VAX2: variants seen among roughly 807,000 people sequenced by gnomAD.
VAX2 encodes the protein ventral anterior homeobox 2.
In VAX2, 8 loss-of-function variants were observed where a neutral mutation model predicts 12.5. The ratio of observed to expected loss-of-function variants is 0.64; its 90% CI spans 0.37 to 1.15. The LOEUF is 1.15. Among genes scored for constraint, VAX2 ranks in the 50% most tolerant of loss-of-function variants. The pLI, the probability that VAX2 is intolerant of heterozygous loss-of-function variation, is 0.01. For missense variants in VAX2, 476 were observed against 412.9 expected, an observed-to-expected ratio of 1.15 and a Z score of -1.32; for synonymous variants, 183 against 187.6, an observed-to-expected ratio of 0.98 and a Z score of 0.20.
At chr2:70,924,671 T>A (rs1190873993) in intron 2 of VAX2, among the ~76,000 whole-genome samples, 6 of 152,194 alleles carry the variant, frequency 3.9e-5, no homozygotes, top group African/African-American at 1.2e-4. Context: ...AGAGGTTAAC[T>A]AACTTGTAGC....
chr2:70,908,487 T>G (rs1334775758), intron 1 of VAX2, among the ~76,000 whole-genome samples: 1 of 152,222 alleles, frequency 6.6e-6, no homozygotes, highest in African/African-American at 2.4e-5. Flanking sequence ...TTTTGTTTGT[T>G]TTTTTTATAG....
chr2:70,920,582 A>G (rs557745344), intron 1 of VAX2, among the ~76,000 whole-genome samples: 1 of 152,034 alleles, frequency 6.6e-6, no homozygotes, highest in South Asian at 2.1e-4. Context: ...CCTCCTCCTC[A>G]TGGACCCCAG....
At chr2:70,913,440 G>A (rs1477175816) in intron 1 of VAX2, among the ~76,000 whole-genome samples, 1 of 152,162 alleles carries the variant, frequency 6.6e-6, no homozygotes, top group Non-Finnish European at 1.5e-5. Flanking sequence ...CCAGCACTTT[G>A]GGAGGCTGAG....
In VAX2 at chr2:70,913,550, C is replaced by T. The variant is rs1553411501; in HGVS notation, c.248-7548C>T. On this transcript the variant is annotated intron_variant, in intron 1 of 2. Transcript: ENST00000234392. ...AAATTAGCGGGCATGGTGGTGGGTGCCTGTAATCTCAACTACTCAGGAGGC... is the reference window on the plus strand; with the variant it reads ...AAATTAGCGGGCATGGTGGTGGGTGTCTGTAATCTCAACTACTCAGGAGGC... 1.6e-4 allele frequency among the ~76,000 whole-genome samples: 25 copies of T among 152,088 alleles called. 1 individual carries two copies. The highest frequency in any genetic ancestry group is 5.9e-5 in the Non-Finnish European group (4 of 67,978).
At chr2:70,932,110 C>T (rs1321456402) in intron 2 of VAX2, among the ~76,000 whole-genome samples, 1 of 152,140 alleles carries the variant, frequency 6.6e-6, no homozygotes, top group Non-Finnish European at 1.5e-5. Context: ...GCTGTAGAGA[C>T]AATGCCACGG....
chr2:70,902,228 C>T (rs1678951049), intron 1 of VAX2, among the ~76,000 whole-genome samples: 1 of 152,190 alleles, frequency 6.6e-6, no homozygotes, highest in Non-Finnish European at 1.5e-5. Flanking sequence ...GTGAGGGTGA[C>T]TGATGACTGC....
At chr2:70,917,924 A>G (rs1553412250) in intron 1 of VAX2, among the ~76,000 whole-genome samples, 1 of 152,234 alleles carries the variant, frequency 6.6e-6, no homozygotes, top group Admixed American at 6.5e-5. Flanking sequence ...TGATAAAATC[A>G]GTGCCTTTGA....
chr2:70,928,519 A>G (rs527976716), intron 2 of VAX2, among the ~76,000 whole-genome samples: 1 of 152,204 alleles, frequency 6.6e-6, no homozygotes, highest in South Asian at 2.1e-4. Context: ...CCTAGGGTCC[A>G]GGCTCACCTT....
At chr2:70,921,594 G>GC (rs34766033) in intron 2 of VAX2, among the ~76,000 whole-genome samples, 3 of 152,126 alleles carry the variant, frequency 2.0e-5, no homozygotes, top group Non-Finnish European at 4.4e-5. Flanking sequence ...GCTTGGGGGG[G>GC]TGTTGGCATG....
At chr2:70,924,707 G>A (rs1289783785) in intron 2 of VAX2, among the ~76,000 whole-genome samples, 1 of 152,122 alleles carries the variant, frequency 6.6e-6, no homozygotes, top group East Asian at 1.9e-4. Context: ...TTCTCAGTAT[G>A]TTCACCCATA....
intron 1 of VAX2, among the ~76,000 whole-genome samples, chr2:70,913,045 A>G (rs1369017276): frequency 6.6e-6 from 1 of 152,244 alleles, no homozygotes; most frequent in Admixed American, 6.5e-5. Context: ...GAGCAACTCA[A>G]AAAAAGAGGA....
In VAX2 at chr2:70,921,276, C is replaced by G; in HGVS notation, c.426C>G (p.Ser142=). 6.2e-7 allele frequency: 1 copy of G among 1,608,782 alleles called. No individual in the cohort carries two copies. The highest frequency in any genetic ancestry group is 1.7e-5 in the Admixed American group (1 of 58,876). Residue 142 remains serine, a synonymous_variant, in exon 2 of 3, where the codon TCC becomes TCG. Transcript: ENST00000234392. ...RTELARQLNL[S]ETQVKVWFQN... is the part of the protein sequence containing the mutation. The stretch of plus-strand genomic sequence containing the variant: ...AGCTGGCCCGCCAGCTGAACCTCTC[C>G]GAGACCCAGGTAAGAGACCAGGGCC...
intron 2 of VAX2, among the ~76,000 whole-genome samples, chr2:70,929,027 G>T (rs1401507343): frequency 6.6e-6 from 1 of 152,200 alleles, no homozygotes; most frequent in Non-Finnish European, 1.5e-5. Flanking sequence ...AAGCTTCCCA[G>T]CAGGGAGGGG....
At chr2:70,927,354 C>A (rs1447341058) in intron 2 of VAX2, among the ~76,000 whole-genome samples, 1 of 151,744 alleles carries the variant, frequency 6.6e-6, no homozygotes, top group Non-Finnish European at 1.5e-5. Flanking sequence ...TGCCAAGTCC[C>A]AATATCCCCC....
intron 2 of VAX2, 70 bp downstream of exon 2, chr2:70,921,355 C>A: frequency 2.0e-6 from 3 of 1,466,564 alleles, no homozygotes; most frequent in East Asian, 2.5e-5. Context: ...ATATGAGGCC[C>A]TGTGAGCTGC....
intron 1 of VAX2, among the ~76,000 whole-genome samples, chr2:70,910,524 T>A (rs184992508): frequency 8.5e-5 from 13 of 152,236 alleles, no homozygotes; most frequent in Admixed American, 8.5e-4. Flanking sequence ...AGAATATACT[T>A]AATTTTTTAG....
In VAX2 at chr2:70,932,958, C is replaced by T. The variant is rs782447454; in HGVS notation, c.627C>T (p.Gly209=). ...SLLALTPSLP[G]LPASHRGTSL... ...TGGCGCTGACCCCTAGCCTGCCAGG[C>T]CTACCTGCCAGCCACAGGGGCACCT... The change falls in exon 3 of 3, where the codon GGC becomes GGT. Residue 209 remains glycine, a synonymous_variant. Coordinates refer to ENST00000234392, the MANE Select transcript of VAX2 (RefSeq NM_012476.3). 1 of 1,611,690 alleles carries T rather than the reference C, an allele frequency of 6.2e-7. No homozygotes were observed. The highest frequency in any genetic ancestry group is 8.5e-7 in the Non-Finnish European group (1 of 1,178,820).
chr2:70,922,783 C>T (rs561199612), intron 2 of VAX2, among the ~76,000 whole-genome samples: 1 of 152,256 alleles, frequency 6.6e-6, no homozygotes, highest in African/African-American at 2.4e-5. Context: ...CCCTGCGGGG[C>T]CTCCCTCCAG....
chr2:70,917,839 A>T (rs1679343431), intron 1 of VAX2, among the ~76,000 whole-genome samples: 1 of 152,058 alleles, frequency 6.6e-6, no homozygotes, highest in Non-Finnish European at 1.5e-5. Context: ...GGGCTTGAGG[A>T]GGCTTATTAA....
Sources: gnomAD v4.1 joint callset for allele counts (sites outside exome capture counted in the v4.1 genomes callset) on GRCh38, gnomAD v4.1.1 for gene constraint, MANE v1.5 for transcripts, NCBI Gene and HGNC (gene_info 2026-07-23, HGNC 2026-07-21) for gene names.